ARMC9: variants seen among roughly 807,000 people sequenced by gnomAD.
The protein encoded by ARMC9 is armadillo repeat containing 9.
ARMC9 carries 94 observed loss-of-function variants against 107.0 expected under a neutral mutation model. The observed-to-expected ratio is 0.88, with a 90% CI of 0.74 to 1.04. The LOEUF is 1.04. ARMC9 is among the 50% of genes least tolerant of loss of function. The pLI, the probability that ARMC9 is intolerant of heterozygous loss-of-function variation, is 0.00. For missense variants in ARMC9, 942 were observed against 1,030.1 expected (o/e 0.91, Z 1.17); for synonymous variants, 380 against 396.9 (o/e 0.96, Z 0.51).
chr2:231,351,820 C>T (rs1056123421), intron 21 of ARMC9, among the ~76,000 whole-genome samples: 3 of 152,028 alleles, frequency 2.0e-5, no homozygotes, highest in South Asian at 2.1e-4. Flanking sequence ...CATAAATATT[C>T]GTAACTAAAA....
chr2:231,241,451 C>T (rs2036293615), intron 9 of ARMC9, among the ~76,000 whole-genome samples: 1 of 152,004 alleles, frequency 6.6e-6, no homozygotes, highest in African/African-American at 2.4e-5. Flanking sequence ...ACCTGCTGCC[C>T]CATTCACAGG....
rs556756037 is a variant in ARMC9 at position 231,359,069 on chromosome 2, A to AG, written c.2132-1679dup. On this transcript the variant is annotated intron_variant, in intron 22 of 24. Transcript: ENST00000611582. ...CTCCTAGCTCCTGGCTGTCTTAGTT[A>AG]GGGGGGTCTCCTGTTTTTTTTTTTT... Among the ~76,000 whole-genome samples, 841 of 134,738 alleles carry AG rather than the reference A, an allele frequency of 6.2e-3. 5 individuals are homozygous for AG. Among genetic ancestry groups the AG allele is most frequent in the Middle Eastern group, 0.015 (4 of 262 alleles). The allele number at this position is 134,738 out of a possible 152,430, so 88.4% of individuals were successfully genotyped here. A position where few individuals can be genotyped will look rare whatever the true frequency, so the allele number is the denominator to read the frequency against.
Position 231,375,733 on chromosome 2 carries a change from G to A in ARMC9, c.*4198G>A, listed in dbSNP as rs1291321068. On this transcript the variant is annotated 3_prime_UTR_variant, in exon 25 of 25. Transcript: ENST00000611582. The surrounding 1 kb of genome is among the most constrained non-coding windows in gnomAD (Gnocchi z 4.3). ...GGTTGCAAAATTAGCAAAAAGTCAG[G>A]GCTACAGAGCCCTATCCAGAGTCGT... 6.6e-6 allele frequency among the ~76,000 whole-genome samples: 1 copy of A among 152,150 alleles called. No homozygotes were observed. Among genetic ancestry groups the A allele is most frequent in the Non-Finnish European group, 1.5e-5 (1 of 68,036 alleles).
At chr2:231,242,336 G>T (rs777049814) in intron 9 of ARMC9, among the ~76,000 whole-genome samples, 7 of 152,138 alleles carry the variant, frequency 4.6e-5, no homozygotes, top group African/African-American at 7.2e-5. Context: ...TCTCAGAATG[G>T]CTGGCTGTCA....
chr2:231,213,172 T>G (rs1052346535), intron 3 of ARMC9, among the ~76,000 whole-genome samples: 1 of 151,712 alleles, frequency 6.6e-6, no homozygotes, highest in African/African-American at 2.4e-5. Context: ...TTCTTTTTTT[T>G]TTTTTTTCTG....
chr2:231,307,954 G>A (rs531002694), intron 19 of ARMC9, among the ~76,000 whole-genome samples: 1 of 152,374 alleles, frequency 6.6e-6, no homozygotes, highest in Admixed American at 6.5e-5. Flanking sequence ...CAGGAGCCAA[G>A]GCACCAGCCT....
chr2:231,247,565 CCCCTGA>C (rs2036890665), intron 9 of ARMC9, among the ~76,000 whole-genome samples: 1 of 152,232 alleles, frequency 6.6e-6, no homozygotes, highest in Non-Finnish European at 1.5e-5. Flanking sequence ...CCAACCAGCA[CCCCTGA>C]CCCTGCTATA....
intron 9 of ARMC9, among the ~76,000 whole-genome samples, chr2:231,253,006 A>G (rs1355974479): frequency 6.6e-6 from 1 of 152,214 alleles, no homozygotes; most frequent in Non-Finnish European, 1.5e-5. Flanking sequence ...AACAACAGGA[A>G]TAGGTAATTT....
chr2:231,230,586 A>G (rs1178166400), intron 7 of ARMC9, among the ~76,000 whole-genome samples: 2 of 152,168 alleles, frequency 1.3e-5, no homozygotes, highest in East Asian at 1.9e-4. Context: ...CTCTCCTCCT[A>G]AGGAGTATAC....
chr2:231,368,686 G>A (rs1017114731), intron 23 of ARMC9, among the ~76,000 whole-genome samples: 4 of 152,332 alleles, frequency 2.6e-5, no homozygotes, highest in East Asian at 1.9e-4. Context: ...GGGCCCTGGC[G>A]TGAACAAAGC....
chr2:231,335,799 G>A (rs759221250), intron 20 of ARMC9, among the ~76,000 whole-genome samples: 8 of 152,158 alleles, frequency 5.3e-5, no homozygotes, highest in Admixed American at 1.3e-4. Flanking sequence ...GCCTCTGGCC[G>A]GGTGCGGTGG....
intron 22 of ARMC9, among the ~76,000 whole-genome samples, chr2:231,359,878 G>A (rs2045497439): frequency 6.6e-6 from 1 of 152,206 alleles, no homozygotes; most frequent in South Asian, 2.1e-4. Flanking sequence ...TTGCTACAGG[G>A]AAACCTGCAG....
At chr2:231,294,663 G>A in intron 18 of ARMC9, 1 of 152,948 alleles carries the variant, frequency 6.5e-6, no homozygotes, top group East Asian at 1.9e-4. Flanking sequence ...TGGCTGGGCT[G>A]TCTGTGGCCT....
intron 19 of ARMC9, among the ~76,000 whole-genome samples, chr2:231,321,647 A>T (rs2043000105): frequency 6.6e-6 from 1 of 151,944 alleles, no homozygotes; most frequent in Non-Finnish European, 1.5e-5. Context: ...GCGGGGACAT[A>T]CCCTGCCTTG....
intron 21 of ARMC9, among the ~76,000 whole-genome samples, chr2:231,351,840 A>T (rs1420814559): frequency 1.2e-4 from 18 of 152,158 alleles, no homozygotes; most frequent in Admixed American, 1.2e-3. Flanking sequence ...ACAAAAAAAA[A>T]TTATGACCCT....
intron 17 of ARMC9, among the ~76,000 whole-genome samples, chr2:231,290,475 G>A (rs897697369): frequency 2.6e-5 from 4 of 152,138 alleles, no homozygotes; most frequent in Admixed American, 2.6e-4. Context: ...CGTTTCTCTG[G>A]CAGTACTTCT....
chr2:231,240,084 C>T (rs755854649), intron 9 of ARMC9, 43 bp downstream of exon 9: 1 of 1,475,144 alleles, frequency 6.8e-7, no homozygotes, highest in South Asian at 1.2e-5. Flanking sequence ...GGTCTATCCC[C>T]CCAAATTTAA....
chr2:231,202,280 G>A (rs1199738965), intron 1 of ARMC9, among the ~76,000 whole-genome samples: 15 of 150,492 alleles, frequency 1.0e-4, no homozygotes, highest in African/African-American at 3.2e-4. Context: ...GATTACAGGC[G>A]TGAGCCACCG....
At chr2:231,245,501 A>G (rs1309531310) in intron 9 of ARMC9, among the ~76,000 whole-genome samples, 1 of 152,210 alleles carries the variant, frequency 6.6e-6, no homozygotes. Flanking sequence ...GGCTAGCGTT[A>G]CACAAATATG....
Sources: gnomAD v4.1 joint callset for allele counts (sites outside exome capture counted in the v4.1 genomes callset) on GRCh38, gnomAD v4.1.1 for gene constraint, Gnocchi (gnomAD v3.1) non-coding constraint, MANE v1.5 for transcripts, NCBI Gene and HGNC (gene_info 2026-07-23, HGNC 2026-07-21) for gene names.